The following GOLGA2 variants were observed in gnomAD, a reference collection of about 807,000 sequenced individuals.
The protein encoded by GOLGA2 is golgin subfamily A member 2.
A neutral mutation model predicts 148.8 loss-of-function variants in GOLGA2; 49 were observed. That is an observed-to-expected ratio of 0.33 (90% confidence interval 0.26 to 0.42). GOLGA2 has a LOEUF of 0.42. Among genes scored for constraint, GOLGA2 ranks in the 10% least tolerant of loss-of-function variants. The probability of loss-of-function intolerance (pLI) is 1.00; values close to 1 mark genes in which losing one functional copy is unlikely to be tolerated. For synonymous variants in GOLGA2, 501 were observed against 511.8 expected (o/e 0.98, Z 0.28); for missense variants, 1,178 against 1,304.6 (o/e 0.90, Z 1.49).
At chr9:128,275,634 G>T in intron 1 of GOLGA2, 1 of 702,412 alleles carries the variant, frequency 1.4e-6, no homozygotes, top group Non-Finnish European at 2.2e-6. Context: ...GACTTCGGGG[G>T]GCAGGAGGTG....
chr9:128,257,343 C>T lies in GOLGA2; in HGVS notation c.2875+26G>A. ...CGAGCCCTCCCTTACTCCTGCCTGC[C>T]CACCCCTCCCGAGGGCTCTACTCAC... On this transcript the variant is annotated intron_variant, in intron 26 of 26. Transcript: ENST00000611957. The surrounding 1 kb of genome is among the most constrained non-coding windows in gnomAD (Gnocchi z 8.0). 1 of 1,613,022 alleles carries T rather than the reference C, an allele frequency of 6.2e-7. No individual in the cohort carries two copies. Among genetic ancestry groups the T allele is most frequent in the Non-Finnish European group, 8.5e-7 (1 of 1,179,906 alleles).
rs1462573147 is a variant in GOLGA2 at position 128,260,667 on chromosome 9, C to T, written c.1556G>A (p.Gly519Asp). ...QLQAQVQDNEGLSRLNREQEE... is the reference protein window; with the variant it reads ...QLQAQVQDNEDLSRLNREQEE... ...CTGCTCCCGGTTCAGGCGACTCAAGCCCTCATTGTCTTGCACCTGGGCTTG... is the reference window on the plus strand; with the variant it reads ...CTGCTCCCGGTTCAGGCGACTCAAGTCCTCATTGTCTTGCACCTGGGCTTG... Residue 519 changes from glycine (G) to aspartate (D), a missense_variant, in exon 18 of 27, where the codon GGC becomes GAC. Coordinates refer to ENST00000611957, the MANE Select transcript of GOLGA2 (RefSeq NM_001366244.2). The surrounding 1 kb of genome is among the most constrained non-coding windows in gnomAD (Gnocchi z 4.8). 1.2e-6 allele frequency: 2 copies of T among 1,613,202 alleles called. No homozygotes were observed. Among genetic ancestry groups the T allele is most frequent in the Admixed American group, 1.7e-5 (1 of 60,028 alleles).
At position 128,265,755 on chromosome 9, in the gene GOLGA2, G is replaced by C. The variant is rs530127635; in HGVS notation, c.826+33C>G. On this transcript the variant is annotated intron_variant, in intron 11 of 26. Transcript: ENST00000611957. Reference sequence around the variant, plus strand: ...CCCCTAAAGGCCTGTCAAAGTGCCAGGTTGAAGGATGATGGGGTGCCCAGA... The same window carrying C: ...CCCCTAAAGGCCTGTCAAAGTGCCACGTTGAAGGATGATGGGGTGCCCAGA... 3.7e-6 allele frequency: 6 copies of C among 1,610,572 alleles called. No individual in the cohort carries two copies. The African/African-American group carries it at 8.0e-5, about 21-fold the overall frequency.
chr9:128,268,484 T>C lies in GOLGA2; in HGVS notation c.329A>G (p.Asp110Gly). The C allele has an allele frequency of 2.5e-6, 4 of 1,612,162 alleles. No homozygotes were observed. Among genetic ancestry groups the C allele is most frequent in the Non-Finnish European group, 3.4e-6 (4 of 1,178,954 alleles). ...DNAATLQPSD[D>G]TVLPGGVPSP... ...AGGGACACCGCCAGGTAACACGGTG[T>C]CATCAGATGGTTGTAGAGTAGCAGC... The change falls in exon 4 of 27, where the codon GAC becomes GGC. Residue 110 changes from aspartate to glycine, a missense_variant. This residue lies in a region of GOLGA2 where 158 missense variants were observed against 156.6 expected (regional missense o/e 1.01). Coordinates refer to ENST00000611957, the MANE Select transcript of GOLGA2 (RefSeq NM_001366244.2).
Position 128,265,825 on chromosome 9 carries a change from G to C in GOLGA2, c.789C>G (p.Ala263=). The C allele has an allele frequency of 1.2e-6, 2 of 1,613,908 alleles. No individual in the cohort carries two copies. Among genetic ancestry groups the C allele is most frequent in the Non-Finnish European group, 1.7e-6 (2 of 1,179,796 alleles). The part of the protein sequence containing the change: ...LVSEKAELQT[A]LAHTQHAARQ... ...TGGCAGCATGCTGAGTGTGAGCCAG[G>C]GCTGTCTGTAACTCAGCTTTCTCTG... Residue 263 remains alanine (A), a synonymous_variant, in exon 11 of 27, where the codon GCC becomes GCG. Transcript: ENST00000611957.
In GOLGA2 at chr9:128,266,743, C is replaced by T. The variant is rs1830617062; in HGVS notation, c.643-418G>A. On this transcript the variant is annotated intron_variant, in intron 8 of 26. Coordinates refer to ENST00000611957, the MANE Select transcript of GOLGA2 (RefSeq NM_001366244.2). The surrounding 1 kb of genome is among the most constrained non-coding windows in gnomAD (Gnocchi z 4.2). ...CAGGAGCCCTTGGCCCTGAGGTTTA[C>T]ATTCTAATGGGCCTTTAAATCTTGG... The T allele has an allele frequency of 2.9e-6, 1 of 349,126 alleles. No individual in the cohort carries two copies. Among genetic ancestry groups the T allele is most frequent in the South Asian group, 3.3e-5 (1 of 29,958 alleles). 21.6% of individuals were successfully genotyped at this position (349,126 alleles called of 1,614,324 possible).
chr9:128,258,882 G>T lies in GOLGA2; in HGVS notation c.2173+125C>A. 1.4e-6 allele frequency: 1 copy of T among 740,210 alleles called. No homozygotes were observed. The highest frequency in any genetic ancestry group is 2.3e-6 in the Non-Finnish European group (1 of 428,462). The allele number at this position is 740,210 out of a possible 1,614,324, so 45.9% of individuals were successfully genotyped here. A position where few individuals can be genotyped will look rare whatever the true frequency, so the allele number is the denominator to read the frequency against. ...ACCATATTGATGCCGAACTTAGTGT[G>T]GACACCCAGTTGGCATAATGACCAG... On this transcript the variant is annotated intron_variant, in intron 21 of 26. Coordinates refer to ENST00000611957, the MANE Select transcript of GOLGA2 (RefSeq NM_001366244.2). This position sits in a 1 kb window ranked among gnomAD's most constrained non-coding sequence, Gnocchi z 6.6.
At position 128,271,068 on chromosome 9, in the gene GOLGA2, A is replaced by T. The variant is rs1164136621; in HGVS notation, c.288+1717T>A. Among the ~76,000 whole-genome samples, 2 of 152,292 alleles carry T rather than the reference A, an allele frequency of 1.3e-5. No homozygotes were observed. The highest frequency in any genetic ancestry group is 2.1e-4 in the South Asian group (1 of 4,816). ...CAAAAACAAAAACAAAACAGCAAGAAGGAAATACGGGGATCTAGGCCTTTG... is the reference window on the plus strand; with the variant it reads ...CAAAAACAAAAACAAAACAGCAAGATGGAAATACGGGGATCTAGGCCTTTG... On this transcript the variant is annotated intron_variant, in intron 3 of 26. Coordinates refer to ENST00000611957, the MANE Select transcript of GOLGA2 (RefSeq NM_001366244.2). The surrounding 1 kb of genome is among the most constrained non-coding windows in gnomAD (Gnocchi z 4.4).
At chr9:128,263,693 C>T (rs1311703636) in intron 12 of GOLGA2, among the ~76,000 whole-genome samples, 1 of 151,876 alleles carries the variant, frequency 6.6e-6, no homozygotes, top group Admixed American at 6.6e-5. Flanking sequence ...GCTGGGATTA[C>T]AGGCGTGAGC....
At chr9:128,275,831 T>G (rs1488455224) in intron 1 of GOLGA2, 62 bp downstream of exon 1, 7 of 870,518 alleles carry the variant, frequency 8.0e-6, no homozygotes, top group South Asian at 1.5e-5. Flanking sequence ...ACTCTGGCCA[T>G]GGTCCTGCCA....
intron 1 of GOLGA2, among the ~76,000 whole-genome samples, chr9:128,275,668 C>G (rs1002268389): frequency 1.3e-5 from 2 of 152,076 alleles, no homozygotes; most frequent in Non-Finnish European, 2.9e-5. Flanking sequence ...GAGCGGGGAG[C>G]CCCGGGAGCA....
intron 6 of GOLGA2, 33 bp from the exon 7 acceptor site, chr9:128,267,550 C>T: frequency 6.5e-7 from 1 of 1,533,598 alleles, no homozygotes; most frequent in Non-Finnish European, 9.0e-7. Context: ...TGGAGATGTT[C>T]TGTCCCCTCA....
intron 1 of GOLGA2, among the ~76,000 whole-genome samples, chr9:128,274,274 G>A (rs555024024): frequency 6.2e-4 from 94 of 152,282 alleles, no homozygotes; most frequent in African/African-American, 2.1e-3. Flanking sequence ...TCCCAGAAAC[G>A]GGATGAGAAC....
rs1830931198 is a variant in GOLGA2, at chr9:128,271,307, G to A, written c.288+1478C>T. 6.6e-6 allele frequency among the ~76,000 whole-genome samples: 1 copy of A among 152,172 alleles called. No individual in the cohort carries two copies. Among genetic ancestry groups the A allele is most frequent in the South Asian group, 2.1e-4 (1 of 4,824 alleles). On this transcript the variant is annotated intron_variant, in intron 3 of 26. Transcript: ENST00000611957. This position sits in a 1 kb window ranked among gnomAD's most constrained non-coding sequence, Gnocchi z 4.4. ...GCACCTGGACAGACCTGATCAACTG[G>A]AGGGTAACAGGTATGAGACTGGACA...
In GOLGA2 at chr9:128,266,645, A is replaced by T; in HGVS notation, c.643-320T>A. On this transcript the variant is annotated intron_variant, in intron 8 of 26. Coordinates refer to ENST00000611957, the MANE Select transcript of GOLGA2 (RefSeq NM_001366244.2). This position sits in a 1 kb window ranked among gnomAD's most constrained non-coding sequence, Gnocchi z 4.2. ...TGATTTAGAAAGGTGTAATCATTCA[A>T]CAAACATTTGCTGAGCACACACAGG... The T allele has an allele frequency of 2.1e-6, 1 of 482,322 alleles. No homozygotes were observed. The highest frequency in any genetic ancestry group is 2.0e-5 in the African/African-American group (1 of 51,052). 29.9% of individuals were successfully genotyped at this position (482,322 alleles called of 1,614,324 possible). A position where few individuals can be genotyped will look rare whatever the true frequency, so the allele number is the denominator to read the frequency against.
At chr9:128,262,809 G>A in intron 13 of GOLGA2, 105 bp from the exon 14 acceptor site, 1 of 1,109,934 alleles carries the variant, frequency 9.0e-7, no homozygotes, top group Non-Finnish European at 1.3e-6. Context: ...TGTGGCACTG[G>A]AAGGAACCCC....
intron 1 of GOLGA2, chr9:128,275,432 G>A: frequency 1.5e-6 from 2 of 1,298,526 alleles, no homozygotes; most frequent in Non-Finnish European, 2.0e-6. Context: ...CGCAGGGCCA[G>A]GACCCAGGTC....
At position 128,267,877 on chromosome 9, in the gene GOLGA2, G is replaced by T. The variant is rs1462278543; in HGVS notation, c.501+57C>A. ...CTCTCTCTTGTGAATCCCTGCTTCAGTTTCTATCATAGTTCCCTTCCCCCC... is the reference window on the plus strand; with the variant it reads ...CTCTCTCTTGTGAATCCCTGCTTCATTTTCTATCATAGTTCCCTTCCCCCC... On this transcript the variant is annotated intron_variant, in intron 6 of 26. Transcript: ENST00000611957. 3.8e-6 allele frequency: 5 copies of T among 1,330,640 alleles called. No homozygotes were observed. In the Admixed American group the frequency reaches 5.1e-5, roughly 14 times the overall value. The allele number at this position is 1,330,640 out of a possible 1,614,324, so 82.4% of individuals were successfully genotyped here.
At chr9:128,268,379 G>C (rs756808553) in intron 4 of GOLGA2, 41 bp downstream of exon 4, 27 of 1,139,354 alleles carry the variant, frequency 2.4e-5, no homozygotes, top group African/African-American at 4.6e-5. Flanking sequence ...ATGCATAATA[G>C]GTACAGGAGG....
Sources: allele counts gnomAD v4.1 joint callset (sites outside exome capture counted in the v4.1 genomes callset), GRCh38; gene constraint gnomAD v4.1.1; regional missense constraint gnomAD v4.1.1; non-coding constraint Gnocchi (gnomAD v3.1); transcripts MANE v1.5; gene names NCBI Gene and HGNC (gene_info 2026-07-23, HGNC 2026-07-21).